The following HAPLN1 variants were observed in gnomAD, a reference collection of about 807,000 sequenced individuals.
HAPLN1 encodes Cartilage link protein.
A neutral mutation model predicts 36.5 loss-of-function variants in HAPLN1; 13 were observed. The observed-to-expected ratio is 0.36, with a 90% CI of 0.23 to 0.57. The LOEUF (loss-of-function observed/expected upper bound fraction) is 0.57. Among genes scored for constraint, HAPLN1 ranks in the 20% least tolerant of loss-of-function variants. The probability of loss-of-function intolerance (pLI) is 0.83; values close to 1 mark genes in which losing one functional copy is unlikely to be tolerated. For missense variants in HAPLN1, 407 were observed against 439.7 expected (o/e 0.93, Z 0.66); for synonymous variants, 202 against 169.8 (o/e 1.19, Z -1.48).
chr5:83,712,355 A>G (rs945786074), intron 1 of HAPLN1, among the ~76,000 whole-genome samples: 2 of 152,156 alleles, frequency 1.3e-5, no homozygotes, highest in African/African-American at 4.8e-5. Context: ...GCTGACTTGA[A>G]AATGGAGCAC....
intron 1 of HAPLN1, among the ~76,000 whole-genome samples, chr5:83,675,104 TTTG>T (rs978841361): frequency 2.0e-5 from 3 of 152,182 alleles, no homozygotes; most frequent in Non-Finnish European, 2.9e-5. Flanking sequence ...AATGCTTATT[TTTG>T]TTGTTGTTGT....
intron 1 of HAPLN1, among the ~76,000 whole-genome samples, chr5:83,695,606 A>C (rs1427583431): frequency 6.9e-6 from 1 of 144,150 alleles, no homozygotes; most frequent in African/African-American, 2.5e-5. Context: ...ATCTATATAG[A>C]TATCTATAGA....
At chr5:83,659,174 C>T (rs113776227) in intron 2 of HAPLN1, among the ~76,000 whole-genome samples, 22,119 of 151,584 alleles carry the variant, frequency 0.15, 2,040 homozygotes, top group Non-Finnish European at 0.21. Flanking sequence ...CTTGGGAGGC[C>T]GAGGCAGGAG....
At chr5:83,716,943 A>G (rs988001008) in intron 1 of HAPLN1, among the ~76,000 whole-genome samples, 1 of 152,154 alleles carries the variant, frequency 6.6e-6, no homozygotes, top group African/African-American at 2.4e-5. Flanking sequence ...GAGGCAGGGG[A>G]ATCGCTTGAA....
intron 1 of HAPLN1, among the ~76,000 whole-genome samples, chr5:83,702,903 G>A (rs1267587088): frequency 6.6e-6 from 1 of 152,138 alleles, no homozygotes; most frequent in Non-Finnish European, 1.5e-5. Context: ...GTAGAGATGG[G>A]GTTTTGCCAT....
chr5:83,693,803 C>T (rs570728764), intron 1 of HAPLN1, among the ~76,000 whole-genome samples: 1 of 151,876 alleles, frequency 6.6e-6, no homozygotes, highest in African/African-American at 2.4e-5. Context: ...ATGTATGCTT[C>T]TAATAACAGA....
chr5:83,689,825 T>C (rs1751228165), intron 1 of HAPLN1, among the ~76,000 whole-genome samples: 1 of 152,142 alleles, frequency 6.6e-6, no homozygotes, highest in African/African-American at 2.4e-5. Context: ...TGCCCCAAAT[T>C]AATGGCTAAT....
At chr5:83,653,780 T>C (rs1041762246) in intron 2 of HAPLN1, among the ~76,000 whole-genome samples, 3 of 152,260 alleles carry the variant, frequency 2.0e-5, no homozygotes, top group African/African-American at 4.8e-5. Context: ...GTTTTCTACA[T>C]ACCAGCTGTT....
chr5:83,641,402 A>T lies in HAPLN1; in HGVS notation c.*94T>A. 1 of 1,163,628 alleles carries T rather than the reference A, an allele frequency of 8.6e-7. No individual in the cohort carries two copies. The highest frequency in any genetic ancestry group is 1.2e-6 in the Non-Finnish European group (1 of 829,808). 72.1% of individuals were successfully genotyped at this position (1,163,628 alleles called of 1,614,324 possible). On this transcript the variant is annotated 3_prime_UTR_variant, in exon 5 of 5. Coordinates refer to ENST00000274341, the MANE Select transcript of HAPLN1 (RefSeq NM_001884.4). ...ACAGTAAGTAAAAAAGGGTTATCAC[A>T]GTTTTGGTAACTTGCATGAGTTCAT...
At chr5:83,691,133 G>A (rs544485468) in intron 1 of HAPLN1, among the ~76,000 whole-genome samples, 93 of 152,128 alleles carry the variant, frequency 6.1e-4, no homozygotes, top group Non-Finnish European at 1.1e-3. Context: ...ATTTATTGCC[G>A]AAAGAAAGTT....
Position 83,639,905 on chromosome 5 carries a change from A to G in HAPLN1, c.*1591T>C, listed in dbSNP as rs1749631604. ...ATAGTTATGGTTTCATGGACTTCCAATTGTTCTATACCTTCCACACACAGA... is the reference window on the plus strand; with the variant it reads ...ATAGTTATGGTTTCATGGACTTCCAGTTGTTCTATACCTTCCACACACAGA... On this transcript the variant is annotated 3_prime_UTR_variant, in exon 5 of 5. Coordinates refer to ENST00000274341, the MANE Select transcript of HAPLN1 (RefSeq NM_001884.4). 2 of 152,098 alleles carry G rather than the reference A, an allele frequency of 1.3e-5. No individual in the cohort carries two copies. The highest frequency in any genetic ancestry group is 1.3e-4 in the Admixed American group (2 of 15,278). The allele number at this position is 152,098 out of a possible 1,614,324, so 9.4% of individuals were successfully genotyped here.
chr5:83,685,206 G>C (rs1341769062), intron 1 of HAPLN1, among the ~76,000 whole-genome samples: 2 of 152,178 alleles, frequency 1.3e-5, no homozygotes, highest in African/African-American at 4.8e-5. Context: ...CCAGCTCATT[G>C]TCTGCATGTG....
At chr5:83,643,558 A>T (rs1749767030) in intron 4 of HAPLN1, among the ~76,000 whole-genome samples, 1 of 151,918 alleles carries the variant, frequency 6.6e-6, no homozygotes, top group Admixed American at 6.6e-5. Flanking sequence ...CCATCTTAAA[A>T]TTTTTAACAG....
chr5:83,719,183 G>T (rs1361960885), intron 1 of HAPLN1, among the ~76,000 whole-genome samples: 1 of 152,158 alleles, frequency 6.6e-6, no homozygotes, highest in Non-Finnish European at 1.5e-5. Flanking sequence ...TGAGAGACAG[G>T]GCCTTGCTGA....
chr5:83,719,422 G>A (rs1751978274), intron 1 of HAPLN1, among the ~76,000 whole-genome samples: 1 of 152,122 alleles, frequency 6.6e-6, no homozygotes, highest in Non-Finnish European at 1.5e-5. Flanking sequence ...TTCCAATTTA[G>A]TGGAAGAGGT....
intron 3 of HAPLN1, chr5:83,651,949 A>G (rs1005583355): frequency 2.6e-5 from 4 of 153,184 alleles, no homozygotes; most frequent in African/African-American, 9.6e-5. Context: ...CCATTACAAA[A>G]TCACTTCTTT....
chr5:83,685,819 C>T (rs892220471), intron 1 of HAPLN1: 2 of 152,076 alleles, frequency 1.3e-5, no homozygotes, highest in Non-Finnish European at 2.9e-5. Context: ...ATTGGTGTGA[C>T]CTTTTCTCTC....
chr5:83,659,350 T>A (rs1750316027), intron 2 of HAPLN1, among the ~76,000 whole-genome samples: 1 of 152,112 alleles, frequency 6.6e-6, no homozygotes, highest in Non-Finnish European at 1.5e-5. Flanking sequence ...GACCTGAAGA[T>A]ACAAAGGAGT....
chr5:83,643,377 A>G (rs900719157), intron 4 of HAPLN1, among the ~76,000 whole-genome samples: 1 of 134,872 alleles, frequency 7.4e-6, no homozygotes, highest in Non-Finnish European at 1.6e-5. Context: ...AAAAAAAAAG[A>G]TTATTGACCC....
Sources: allele counts gnomAD v4.1 joint callset (sites outside exome capture counted in the v4.1 genomes callset), GRCh38; gene constraint gnomAD v4.1.1; transcripts MANE v1.5; gene names NCBI Gene and HGNC (gene_info 2026-07-23, HGNC 2026-07-21).